PITPNB: variants seen among roughly 807,000 people sequenced by gnomAD.
PITPNB encodes phosphatidylinositol transfer protein beta isoform.
Under a neutral mutation model 45.9 loss-of-function variants are expected in PITPNB, and 16 were observed. The ratio of observed to expected loss-of-function variants is 0.35; its 90% CI spans 0.24 to 0.53. The LOEUF is 0.53. Among genes scored for constraint, PITPNB ranks in the 20% least tolerant of loss-of-function variants. PITPNB has a pLI of 0.93. For missense variants in PITPNB, 188 were observed against 330.5 expected (o/e 0.57, Z 3.34); for synonymous variants, 112 against 108.9 (o/e 1.03, Z -0.18).
At position 27,897,130 on chromosome 22, in the gene PITPNB, C is replaced by T; in HGVS notation, c.297G>A (p.Thr99=). Residue 99 remains threonine, a splice_region_variant and synonymous_variant, in exon 5 of 12, where the codon ACG becomes ACA. Transcript: ENST00000335272. ...NAYPYCRTIV[T]NEYMKDDFFI... ...GAGACACAAAAATAGTTTTACTCACCGTTACAACTGAGGCATAATGGAGAG... is the reference window on the plus strand; with the variant it reads ...GAGACACAAAAATAGTTTTACTCACTGTTACAACTGAGGCATAATGGAGAG... The T allele has an allele frequency of 1.3e-6, 2 of 1,570,050 alleles. No homozygotes were observed. The highest frequency in any genetic ancestry group is 2.2e-5 in the East Asian group (1 of 44,690).
At chr22:27,917,934 A>AAAGACCTGGAAGAAGGTGAGTTAGTGT (rs1330310180) in intron 1 of PITPNB, among the ~76,000 whole-genome samples, 1 of 152,228 alleles carries the variant, frequency 6.6e-6, no homozygotes, top group Admixed American at 6.5e-5. Context: ...ACGTCTGAGC[A>AAAGACCTGGAAGAAGGTGAGTTAGTGT]AAGACCTGGA....
chr22:27,894,535 T>A lies in PITPNB; in HGVS notation c.456+20A>T. ...TAACTGTAAAAGGGAACAGATTAAA[T>A]GTCATTGAGTAATACTTACTGCTGG... On this transcript the variant is annotated intron_variant, in intron 7 of 11. Transcript: ENST00000335272. The A allele has an allele frequency of 8.1e-7, 1 of 1,240,988 alleles. No homozygotes were observed. The highest frequency in any genetic ancestry group is 1.2e-5 in the South Asian group (1 of 82,710). 76.9% of individuals were successfully genotyped at this position (1,240,988 alleles called of 1,614,324 possible).
At chr22:27,898,011 T>C (rs1935483445) in intron 3 of PITPNB, 119 bp from the exon 4 acceptor site, 2 of 696,428 alleles carry the variant, frequency 2.9e-6, no homozygotes, top group Non-Finnish European at 5.2e-6. Context: ...TCTGATGAAC[T>C]AGTTTATTTC....
intron 3 of PITPNB, among the ~76,000 whole-genome samples, chr22:27,906,485 G>A (rs970564653): frequency 3.9e-5 from 6 of 152,296 alleles, no homozygotes; most frequent in African/African-American, 1.4e-4. Flanking sequence ...CAGACGTAGA[G>A]CAAAGTGGTT....
intron 10 of PITPNB, among the ~76,000 whole-genome samples, chr22:27,857,503 C>G (rs1429647067): frequency 2.0e-5 from 3 of 152,172 alleles, no homozygotes; most frequent in African/African-American, 7.2e-5. Context: ...TGCTGCCATT[C>G]TCCTGTGATT....
At chr22:27,887,173 T>A (rs1935145429) in intron 7 of PITPNB, among the ~76,000 whole-genome samples, 1 of 152,240 alleles carries the variant, frequency 6.6e-6, no homozygotes, top group Non-Finnish European at 1.5e-5. Flanking sequence ...GGTAACCAGA[T>A]TCTACATGTG....
chr22:27,874,000 A>C (rs1351818041), intron 7 of PITPNB, among the ~76,000 whole-genome samples, 185 bp from the exon 8 acceptor site: 1 of 152,242 alleles, frequency 6.6e-6, no homozygotes, highest in Admixed American at 6.5e-5. Flanking sequence ...CCTTTGCTTT[A>C]AACTTTTACC....
chr22:27,900,132 G>T (rs1935550293), intron 3 of PITPNB, among the ~76,000 whole-genome samples: 1 of 151,896 alleles, frequency 6.6e-6, no homozygotes, highest in African/African-American at 2.4e-5. Context: ...CCTGGGAGGT[G>T]GAGGGTGCAG....
At chr22:27,915,917 A>G (rs1239833646) in intron 1 of PITPNB, among the ~76,000 whole-genome samples, 1 of 152,186 alleles carries the variant, frequency 6.6e-6, no homozygotes, top group Non-Finnish European at 1.5e-5. Context: ...AGTGACAACT[A>G]CTGCTGACCT....
rs112942478 is a variant in PITPNB at position 27,882,708 on chromosome 22, T to C, written c.457-8893A>G. Among the ~76,000 whole-genome samples the C allele has an allele frequency of 3.9e-3, 593 of 152,384 alleles. 5 individuals carry two copies. Among genetic ancestry groups the C allele is most frequent in the Middle Eastern group, 0.031 (9 of 294 alleles). On this transcript the variant is annotated intron_variant, in intron 7 of 11. Transcript: ENST00000335272. ...CCGATTAGTCTTTGAACTTTGACTA[T>C]GGCTGCAGCCTGGTGCCCAGCACTG...
At chr22:27,860,341 A>T in intron 8 of PITPNB, 100 bp from the exon 9 acceptor site, 1 of 665,264 alleles carries the variant, frequency 1.5e-6, no homozygotes. Context: ...TACATGAAGA[A>T]AATTACAATC....
chr22:27,890,056 T>C (rs1433656437), intron 7 of PITPNB, among the ~76,000 whole-genome samples: 1 of 151,856 alleles, frequency 6.6e-6, no homozygotes, highest in East Asian at 1.9e-4. Context: ...AGGGTTAGAG[T>C]GTAGGGGCAG....
Position 27,860,455 on chromosome 22 carries a change from G to A in PITPNB, c.535-214C>T, listed in dbSNP as rs1282320477. 9.2e-6 allele frequency: 4 copies of A among 434,840 alleles called. No individual in the cohort carries two copies. The East Asian group carries it at 1.5e-4, about 16-fold the overall frequency. The allele number at this position is 434,840 out of a possible 1,614,324, so 26.9% of individuals were successfully genotyped here. ...CTTCCACAGACCAAGTTACTTCCTAGCTCTAAAGTTTAATAGGTATGTTGC... is the reference window on the plus strand; with the variant it reads ...CTTCCACAGACCAAGTTACTTCCTAACTCTAAAGTTTAATAGGTATGTTGC... On this transcript the variant is annotated intron_variant, in intron 8 of 11. Transcript: ENST00000335272.
At chr22:27,881,452 C>G (rs922887732) in intron 7 of PITPNB, among the ~76,000 whole-genome samples, 1 of 152,170 alleles carries the variant, frequency 6.6e-6, no homozygotes. Flanking sequence ...ATTTTTAAGA[C>G]AGAAATGAAC....
At chr22:27,863,702 C>T (rs1414042094) in intron 8 of PITPNB, among the ~76,000 whole-genome samples, 2 of 152,176 alleles carry the variant, frequency 1.3e-5, no homozygotes, top group South Asian at 2.1e-4. Flanking sequence ...TTTATAAAAA[C>T]AGTGGGATGA....
chr22:27,906,679 T>C (rs914829139), intron 3 of PITPNB, among the ~76,000 whole-genome samples: 1 of 152,202 alleles, frequency 6.6e-6, no homozygotes, highest in Non-Finnish European at 1.5e-5. Context: ...AATAACCCAG[T>C]GACCAGCACA....
chr22:27,907,278 C>T (rs903867701), intron 3 of PITPNB, among the ~76,000 whole-genome samples: 4 of 152,190 alleles, frequency 2.6e-5, no homozygotes, highest in Non-Finnish European at 4.4e-5. Flanking sequence ...CACCTTTAGG[C>T]TTGCCTTGGG....
intron 7 of PITPNB, among the ~76,000 whole-genome samples, chr22:27,884,400 T>C (rs764949003): frequency 6.6e-6 from 1 of 152,192 alleles, no homozygotes. Context: ...GAGCTTTATC[T>C]TAGGAGCACA....
chr22:27,902,013 C>T (rs1270341517), intron 3 of PITPNB, among the ~76,000 whole-genome samples: 1 of 151,972 alleles, frequency 6.6e-6, no homozygotes. Flanking sequence ...GGTGAGTACG[C>T]AGGGACGACT....
Sources: gnomAD v4.1 joint callset for allele counts (sites outside exome capture counted in the v4.1 genomes callset) on GRCh38, gnomAD v4.1.1 for gene constraint, MANE v1.5 for transcripts, NCBI Gene and HGNC (gene_info 2026-07-23, HGNC 2026-07-21) for gene names.